The following L3MBTL4 variants were observed in gnomAD, a reference collection of about 807,000 sequenced individuals.
L3MBTL4 encodes the protein L3MBTL histone methyl-lysine binding protein 4.
L3MBTL4 carries 70 observed loss-of-function variants against 84.5 expected under a neutral mutation model. That is an observed-to-expected ratio of 0.83 (90% confidence interval 0.68 to 1.01). The LOEUF is 1.01. L3MBTL4 is among the 50% of genes least tolerant of loss of function. L3MBTL4 has a pLI of 0.00. For synonymous variants in L3MBTL4, 274 were observed against 259.8 expected (o/e 1.05, Z -0.52); for missense variants, 715 against 754.8 (o/e 0.95, Z 0.62).
chr18:6,082,106 C>G (rs1037978410), intron 15 of L3MBTL4, among the ~76,000 whole-genome samples: 6 of 152,080 alleles, frequency 3.9e-5, no homozygotes, highest in Middle Eastern at 3.2e-3. Flanking sequence ...TTTAAATGCT[C>G]AATCTTAGCT....
chr18:6,112,682 T>C (rs2059231114), intron 14 of L3MBTL4, among the ~76,000 whole-genome samples: 2 of 152,168 alleles, frequency 1.3e-5, no homozygotes, highest in South Asian at 2.1e-4. Context: ...ATACTTAAAA[T>C]ACAATAAAAG....
At chr18:6,218,974 G>A (rs902776291) in intron 10 of L3MBTL4, among the ~76,000 whole-genome samples, 3 of 152,130 alleles carry the variant, frequency 2.0e-5, no homozygotes, top group African/African-American at 7.2e-5. Context: ...CATGGAACAA[G>A]AACAGCCTTT....
At chr18:6,020,194 G>C (rs970422392) in intron 16 of L3MBTL4, among the ~76,000 whole-genome samples, 1 of 152,164 alleles carries the variant, frequency 6.6e-6, no homozygotes, top group Admixed American at 6.5e-5. Flanking sequence ...TCATATTGTA[G>C]GGAAGGATGG....
At position 5,958,062 on chromosome 18, in the gene L3MBTL4, G is replaced by A. The variant is rs62076840; in HGVS notation, c.1678-1675C>T. Among the ~76,000 whole-genome samples, 554 of 93,104 alleles carry A rather than the reference G, an allele frequency of 6.0e-3. 4 individuals carry two copies. The highest frequency in any genetic ancestry group is 0.03 in the East Asian group (64 of 2,140). 61.1% of individuals were successfully genotyped at this position (93,104 alleles called of 152,430 possible). A position where few individuals can be genotyped will look rare whatever the true frequency, so the allele number is the denominator to read the frequency against. On this transcript the variant is annotated intron_variant, in intron 18 of 18. Coordinates refer to ENST00000317931, the MANE Select transcript of L3MBTL4 (RefSeq NM_001330559.2). ...GGAGGAGGAGAAGGAGAAGGAGAAGGAGAAGAAGAAGAAGAAGAAGAAGAA... is the reference window on the plus strand; with the variant it reads ...GGAGGAGGAGAAGGAGAAGGAGAAGAAGAAGAAGAAGAAGAAGAAGAAGAA...
chr18:5,967,896 G>A (rs958340043), intron 17 of L3MBTL4, among the ~76,000 whole-genome samples: 6 of 152,232 alleles, frequency 3.9e-5, no homozygotes, highest in African/African-American at 1.2e-4. Flanking sequence ...GCCAGGGGGA[G>A]CCAGGGATTG....
At chr18:6,341,051 T>C (rs145541764) in intron 1 of L3MBTL4, among the ~76,000 whole-genome samples, 38 of 152,200 alleles carry the variant, frequency 2.5e-4, no homozygotes, top group African/African-American at 8.7e-4. Flanking sequence ...CGTCCATTGA[T>C]AAGGTCTCGA....
intron 1 of L3MBTL4, among the ~76,000 whole-genome samples, chr18:6,405,270 C>T (rs2055678793): frequency 6.6e-6 from 1 of 152,232 alleles, no homozygotes; most frequent in East Asian, 1.9e-4. Context: ...GATAGCTCCT[C>T]TTTGCAAGGG....
At chr18:6,039,162 A>C (rs1313875985) in intron 16 of L3MBTL4, among the ~76,000 whole-genome samples, 1 of 152,004 alleles carries the variant, frequency 6.6e-6, no homozygotes, top group African/African-American at 2.4e-5. Context: ...ACCCTCCCCA[A>C]ACTGTGATCT....
intron 14 of L3MBTL4, among the ~76,000 whole-genome samples, chr18:6,133,323 C>G (rs2059929916): frequency 6.8e-6 from 1 of 147,480 alleles, no homozygotes; most frequent in Non-Finnish European, 1.5e-5. Context: ...GTGGGTGTTA[C>G]AGCTCTAGAT....
chr18:6,230,522 G>A (rs1299419180), intron 10 of L3MBTL4, among the ~76,000 whole-genome samples: 1 of 152,174 alleles, frequency 6.6e-6, no homozygotes, highest in African/African-American at 2.4e-5. Flanking sequence ...TTGAGATTGT[G>A]AATAGCGCTG....
intron 15 of L3MBTL4, among the ~76,000 whole-genome samples, chr18:6,081,798 A>G (rs1411159567): frequency 6.6e-6 from 1 of 152,222 alleles, no homozygotes; most frequent in Non-Finnish European, 1.5e-5. Flanking sequence ...AGAATTTGAG[A>G]TAATTGTATC....
chr18:6,104,169 T>C (rs1259946227), intron 14 of L3MBTL4, among the ~76,000 whole-genome samples: 2 of 144,302 alleles, frequency 1.4e-5, no homozygotes, highest in African/African-American at 4.8e-5. Flanking sequence ...GAAAACAGTA[T>C]AGAGGTTCCT....
chr18:6,012,892 GTCTCTCGTTCCA>G (rs1567982303), intron 16 of L3MBTL4, among the ~76,000 whole-genome samples: 4 of 152,092 alleles, frequency 2.6e-5, no homozygotes, highest in African/African-American at 9.7e-5. Flanking sequence ...GTGCAAGCTT[GTCTCTCGTTCCA>G]TCTCTAATTT....
At chr18:6,243,711 G>C (rs1568370444) in intron 6 of L3MBTL4, among the ~76,000 whole-genome samples, 1 of 152,052 alleles carries the variant, frequency 6.6e-6, no homozygotes, top group African/African-American at 2.4e-5. Context: ...TTAATTAACT[G>C]GTTTATTTAT....
upstream of L3MBTL4, chr18:6,414,978 G>C (rs1205668111): frequency 6.6e-6 from 1 of 151,436 alleles, no homozygotes; most frequent in African/African-American, 2.4e-5. The surrounding 1 kb of genome is among the most constrained non-coding windows in gnomAD (Gnocchi z 5.4). Flanking sequence ...CCCGCCCCGC[G>C]CGCATGCTCC....
At chr18:5,964,840 C>T (rs547770563) in intron 17 of L3MBTL4, among the ~76,000 whole-genome samples, 2 of 152,342 alleles carry the variant, frequency 1.3e-5, no homozygotes, top group Admixed American at 6.5e-5. Context: ...AATCAGGGAA[C>T]AGACTACATA....
At chr18:6,213,963 C>T (rs1411659880) in intron 11 of L3MBTL4, among the ~76,000 whole-genome samples, 2 of 152,138 alleles carry the variant, frequency 1.3e-5, no homozygotes, top group Non-Finnish European at 2.9e-5. Context: ...TGACTATTCT[C>T]ATTGCCCAGT....
At chr18:6,145,921 G>C (rs957848411) in intron 13 of L3MBTL4, among the ~76,000 whole-genome samples, 4 of 152,166 alleles carry the variant, frequency 2.6e-5, no homozygotes, top group Non-Finnish European at 4.4e-5. Flanking sequence ...TCAGAGTGAT[G>C]ATGTTAGGCA....
chr18:6,354,114 C>T (rs554792471), intron 1 of L3MBTL4, among the ~76,000 whole-genome samples: 40 of 152,070 alleles, frequency 2.6e-4, no homozygotes, highest in African/African-American at 9.2e-4. Flanking sequence ...AATACAGAAC[C>T]CAGAAACAAA....
Sources: allele counts gnomAD v4.1 joint callset (sites outside exome capture counted in the v4.1 genomes callset), GRCh38; gene constraint gnomAD v4.1.1; non-coding constraint Gnocchi (gnomAD v3.1); transcripts MANE v1.5; gene names NCBI Gene and HGNC (gene_info 2026-07-23, HGNC 2026-07-21).